Variants in CPEB2 observed in about 807,000 individuals in gnomAD.
CPEB2 encodes the protein cytoplasmic polyadenylation element-binding protein 2.
In CPEB2, 56 loss-of-function variants were observed where a neutral mutation model predicts 93.6. That is an observed-to-expected ratio of 0.60 (90% CI 0.48 to 0.75). The LOEUF (loss-of-function observed/expected upper bound fraction) is 0.75. Among genes scored for constraint, CPEB2 ranks in the 30% least tolerant of loss-of-function variants. The pLI, the probability that CPEB2 is intolerant of heterozygous loss-of-function variation, is 0.00. For missense variants in CPEB2, 1,579 were observed against 1,395.1 expected (o/e 1.13, Z -2.10); for synonymous variants, 764 against 586.3 (o/e 1.30, Z -4.38).
chr4:15,040,541 C>A, intron 6 of CPEB2, 54 bp downstream of exon 6: 5 of 1,444,586 alleles, frequency 3.5e-6, no homozygotes, highest in South Asian at 1.2e-5. Context: ...GTTTACTGAT[C>A]AATGTTGTAA....
intron 3 of CPEB2, among the ~76,000 whole-genome samples, chr4:15,009,302 C>A (rs150376959): frequency 6.6e-6 from 1 of 152,140 alleles, no homozygotes; most frequent in South Asian, 2.1e-4. Flanking sequence ...ATTAATAATA[C>A]GTTTGTAAGT....
intron 10 of CPEB2, among the ~76,000 whole-genome samples, chr4:15,060,381 AGAG>A (rs1434643068): frequency 6.6e-6 from 1 of 152,162 alleles, no homozygotes; most frequent in African/African-American, 2.4e-5. Flanking sequence ...TGATTCAGAG[AGAG>A]GGGGGCCAGG....
chr4:15,035,095 A>G (rs1378202099), intron 5 of CPEB2, among the ~76,000 whole-genome samples: 2 of 152,214 alleles, frequency 1.3e-5, no homozygotes, highest in African/African-American at 2.4e-5. Flanking sequence ...TTACACATTT[A>G]ACTCACTTTG....
chr4:15,046,329 G>T (rs187034791), intron 6 of CPEB2, among the ~76,000 whole-genome samples: 2 of 152,048 alleles, frequency 1.3e-5, no homozygotes, highest in Non-Finnish European at 2.9e-5. Context: ...AGGTTGAAGC[G>T]ATTCTTCTGC....
chr4:15,058,321 GTTTT>G, intron 8 of CPEB2, 96 bp from the exon 9 acceptor site: 1 of 571,754 alleles, frequency 1.7e-6, no homozygotes, highest in East Asian at 3.1e-5. Flanking sequence ...TTGATAGTTT[GTTTT>G]TTTTTTTCAA....
chr4:15,012,141 C>T (rs1577370556), intron 3 of CPEB2, among the ~76,000 whole-genome samples: 1 of 152,196 alleles, frequency 6.6e-6, no homozygotes. Context: ...ACCAGATGAA[C>T]TTCAGGGACA....
chr4:15,016,215 A>G (rs1409976853), intron 3 of CPEB2, among the ~76,000 whole-genome samples: 2 of 152,008 alleles, frequency 1.3e-5, no homozygotes, highest in Admixed American at 1.3e-4. Flanking sequence ...ACGTATACAT[A>G]AGCTTACACA....
In CPEB2 at chr4:15,062,218, T is replaced by G; in HGVS notation, c.2835T>G (p.Ser945Arg). Residue 945 changes from serine (S) to arginine (R), a missense_variant, in exon 11 of 12, where the codon AGT becomes AGG. Physicochemically the swap from Ser to Arg is moderately radical, Grantham distance 110. This residue lies in a region of CPEB2 where 168 missense variants were observed against 339.1 expected (regional missense o/e 0.50). Transcript: ENST00000538197. The part of the protein sequence containing the change: ...SNQQSYIAAI[S>R]ARFVQLQHGD... Reference sequence around the variant, plus strand: ...AGCAGAGCTATATTGCTGCCATTAGTGCTCGGTTTGTTCAGCTTCAGCATG... The same window carrying G: ...AGCAGAGCTATATTGCTGCCATTAGGGCTCGGTTTGTTCAGCTTCAGCATG... 6.2e-7 allele frequency: 1 copy of G among 1,612,578 alleles called. No individual in the cohort carries two copies. Among genetic ancestry groups the G allele is most frequent in the Non-Finnish European group, 8.5e-7 (1 of 1,179,008 alleles).
At position 15,002,628 on chromosome 4, in the gene CPEB2, G is replaced by T; in HGVS notation, c.-46G>T. 2 of 1,439,022 alleles carry T rather than the reference G, an allele frequency of 1.4e-6. No individual in the cohort carries two copies. The highest frequency in any genetic ancestry group is 1.8e-6 in the Non-Finnish European group (2 of 1,091,400). 89.1% of individuals were successfully genotyped at this position (1,439,022 alleles called of 1,614,324 possible). A position where few individuals can be genotyped will look rare whatever the true frequency, so the allele number is the denominator to read the frequency against. On this transcript the variant is annotated 5_prime_UTR_variant, in exon 1 of 12. Transcript: ENST00000538197. The stretch of plus-strand genomic sequence containing the variant: ...CCAGCGCCGGCGGCTTCCTAGGTGG[G>T]GCAGGGGACGAGGAGCGTCTCCTCC...
At chr4:15,012,783 A>G (rs1723658298) in intron 3 of CPEB2, among the ~76,000 whole-genome samples, 1 of 152,294 alleles carries the variant, frequency 6.6e-6, no homozygotes, top group South Asian at 2.1e-4. Flanking sequence ...AAGCAGAATA[A>G]TACATGTTCA....
At chr4:15,018,497 T>C (rs79256469) in intron 4 of CPEB2, among the ~76,000 whole-genome samples, 11 of 151,334 alleles carry the variant, frequency 7.3e-5, no homozygotes, top group African/African-American at 2.7e-4. Context: ...TTTTTTTTTT[T>C]CCTTTTAACC....
chr4:15,046,487 A>G (rs1304838627), intron 6 of CPEB2, among the ~76,000 whole-genome samples: 1 of 152,110 alleles, frequency 6.6e-6, no homozygotes, highest in Admixed American at 6.5e-5. Flanking sequence ...CAGCCTCCCA[A>G]AGTGCTGGGA....
rs1405599988 is a variant in CPEB2 at position 15,059,212 on chromosome 4, G to T, written c.2606G>T (p.Ser869Ile). 6.2e-7 allele frequency: 1 copy of T among 1,611,428 alleles called. No individual in the cohort carries two copies. Among genetic ancestry groups the T allele is most frequent in the Non-Finnish European group, 8.5e-7 (1 of 1,178,216 alleles). The change falls in exon 10 of 12, where the codon AGT becomes ATT. Residue 869 changes from serine to isoleucine, a missense_variant. Physicochemically the swap from Ser to Ile is moderately radical, Grantham distance 142 (BLOSUM62 -2). Around this residue, in one of 2 missense-constraint regions of CPEB2, gnomAD observed 168 missense variants for 339.1 expected, o/e 0.50. Transcript: ENST00000538197. ...GTTCAAATACGTCCTTGGAATTTAA[G>T]TGATAGTGATTTTGTAATGGATGGT... ...KPVQIRPWNLSDSDFVMDGSQ... is the reference protein window; with the variant it reads ...KPVQIRPWNLIDSDFVMDGSQ...
chr4:15,049,716 T>G (rs1728043333), intron 6 of CPEB2, among the ~76,000 whole-genome samples: 1 of 152,238 alleles, frequency 6.6e-6, no homozygotes, highest in Non-Finnish European at 1.5e-5. Flanking sequence ...TAAGCAATAT[T>G]CACAAAGTTA....
intron 7 of CPEB2, among the ~76,000 whole-genome samples, chr4:15,053,539 A>C (rs571653959): frequency 1.3e-5 from 2 of 152,320 alleles, no homozygotes; most frequent in South Asian, 4.1e-4. Flanking sequence ...CATTTTAGGA[A>C]ATTTTTTAGT....
intron 1 of CPEB2, among the ~76,000 whole-genome samples, chr4:15,005,339 C>T (rs932601800): frequency 1.3e-5 from 2 of 152,194 alleles, no homozygotes; most frequent in Non-Finnish European, 2.9e-5. Context: ...GTTGCCTTAA[C>T]CTTCTACAAG....
At chr4:15,022,066 ATATTTAGAATT>A (rs1304392158) in intron 4 of CPEB2, among the ~76,000 whole-genome samples, 8 of 152,166 alleles carry the variant, frequency 5.3e-5, no homozygotes, top group Non-Finnish European at 1.2e-4. Flanking sequence ...GTGAGAACTT[ATATTTAGAATT>A]TAAGAACTGT....
Position 15,003,817 on chromosome 4 carries a change from C to A in CPEB2, c.1144C>A (p.Pro382Thr). The change falls in exon 1 of 12, where the codon CCC (proline) becomes ACC (threonine). Residue 382 changes from proline to threonine, a missense_variant. This residue lies in a region of CPEB2 where 1,411 missense variants were observed against 1,056.0 expected (regional missense o/e 1.34). Transcript: ENST00000538197. ...GCCGCCGCTGCCCGGCTTCGGCACC[C>A]CCTGGTCGGTGCAGACCGCGTCGCC... is the stretch of plus-strand genomic sequence containing the variant. ...SPPPLPGFGT[P>T]WSVQTASPPP... The A allele has an allele frequency of 1.0e-6, 1 of 995,966 alleles. No homozygotes were observed. The allele number at this position is 995,966 out of a possible 1,614,324, so 61.7% of individuals were successfully genotyped here. A position where few individuals can be genotyped will look rare whatever the true frequency, so the allele number is the denominator to read the frequency against.
At chr4:15,005,751 T>A (rs1381166192) in intron 1 of CPEB2, among the ~76,000 whole-genome samples, 6 of 152,220 alleles carry the variant, frequency 3.9e-5, no homozygotes, top group South Asian at 2.1e-4. Context: ...CAGTTTTTGT[T>A]GAATCACTGA....
Sources: allele counts gnomAD v4.1 joint callset (sites outside exome capture counted in the v4.1 genomes callset), GRCh38; gene constraint gnomAD v4.1.1; regional missense constraint gnomAD v4.1.1; transcripts MANE v1.5; gene names NCBI Gene and HGNC (gene_info 2026-07-23, HGNC 2026-07-21).